Variants in UBASH3B observed in about 807,000 individuals in gnomAD.
UBASH3B encodes ubiquitin associated and SH3 domain containing B.
Under a neutral mutation model 83.4 loss-of-function variants are expected in UBASH3B, and 37 were observed. The ratio of observed to expected loss-of-function variants is 0.44; its 90% CI spans 0.34 to 0.58. UBASH3B has a LOEUF of 0.58. Ranked by LOEUF, UBASH3B falls within the 20% of genes least tolerant of loss-of-function variation. The pLI is 0.01. For synonymous variants in UBASH3B, 304 were observed against 318.3 expected, an observed-to-expected ratio of 0.96 and a Z score of 0.48; for missense variants, 657 against 827.2, an observed-to-expected ratio of 0.79 and a Z score of 2.52.
chr11:122,714,315 G>A (rs1457676334), intron 1 of UBASH3B, among the ~76,000 whole-genome samples: 1 of 152,148 alleles, frequency 6.6e-6, no homozygotes, highest in Non-Finnish European at 1.5e-5. Flanking sequence ...CTCCATTCTT[G>A]GGGAGCTCAC....
chr11:122,739,149 A>C (rs916853444), intron 1 of UBASH3B, among the ~76,000 whole-genome samples: 1 of 152,092 alleles, frequency 6.6e-6, no homozygotes, highest in African/African-American at 2.4e-5. Flanking sequence ...AGCATGTGCC[A>C]CCACACCCGG....
chr11:122,669,254 G>A (rs1863559699), intron 1 of UBASH3B, among the ~76,000 whole-genome samples: 1 of 152,144 alleles, frequency 6.6e-6, no homozygotes, highest in Non-Finnish European at 1.5e-5. Flanking sequence ...TGTTCTTCCT[G>A]GAAAGAATGT....
chr11:122,711,630 A>G (rs1483072150), intron 1 of UBASH3B, among the ~76,000 whole-genome samples: 1 of 152,222 alleles, frequency 6.6e-6, no homozygotes, highest in African/African-American at 2.4e-5. Context: ...TGGCCTCATT[A>G]CTACCTCATG....
chr11:122,734,334 GCTGAGC>G (rs1860897775), intron 1 of UBASH3B, among the ~76,000 whole-genome samples: 1 of 152,216 alleles, frequency 6.6e-6, no homozygotes, highest in African/African-American at 2.4e-5. Flanking sequence ...GCTTGACATG[GCTGAGC>G]CTGAGGAAAG....
intron 1 of UBASH3B, among the ~76,000 whole-genome samples, chr11:122,660,628 T>C (rs1308207031): frequency 6.6e-6 from 1 of 152,216 alleles, no homozygotes; most frequent in African/African-American, 2.4e-5. Context: ...TGCTGACCTC[T>C]GGTTTCTGGG....
chr11:122,808,189 C>T lies in UBASH3B; in HGVS notation c.1812+13C>T, dbSNP rs372692296. On this transcript the variant is annotated intron_variant, in intron 13 of 13. Coordinates refer to ENST00000284273, the MANE Select transcript of UBASH3B (RefSeq NM_032873.5). Reference sequence around the variant, plus strand: ...AATGGTCCGAAAGGTAATTCATTCTCGTACTTTGGGGTCCGTGATGGCTAG... The same window carrying T: ...AATGGTCCGAAAGGTAATTCATTCTTGTACTTTGGGGTCCGTGATGGCTAG... 6.8e-6 allele frequency: 11 copies of T among 1,608,150 alleles called. No individual in the cohort carries two copies. Among genetic ancestry groups the T allele is most frequent in the East Asian group, 2.2e-5 (1 of 44,858 alleles).
At chr11:122,708,000 A>G (rs1714589629) in intron 1 of UBASH3B, among the ~76,000 whole-genome samples, 2 of 152,004 alleles carry the variant, frequency 1.3e-5, no homozygotes, top group Admixed American at 1.3e-4. Context: ...CTGGCCTCTA[A>G]TATATAATTT....
chr11:122,750,615 G>A (rs1347942362), intron 1 of UBASH3B, among the ~76,000 whole-genome samples: 1 of 152,216 alleles, frequency 6.6e-6, no homozygotes, highest in East Asian at 1.9e-4. Flanking sequence ...TAAGAACCCA[G>A]ATACTGCCTG....
chr11:122,685,902 A>G (rs912007228), intron 1 of UBASH3B, among the ~76,000 whole-genome samples: 1 of 152,144 alleles, frequency 6.6e-6, no homozygotes, highest in African/African-American at 2.4e-5. Context: ...TAGCAGCCCT[A>G]TTTGGATACA....
At chr11:122,692,723 T>C (rs1175910404) in intron 1 of UBASH3B, among the ~76,000 whole-genome samples, 1 of 152,208 alleles carries the variant, frequency 6.6e-6, no homozygotes, top group East Asian at 1.9e-4. Flanking sequence ...TAGCCAGAGA[T>C]GCTTTCATTC....
chr11:122,683,444 G>A (rs1335952952), intron 1 of UBASH3B, among the ~76,000 whole-genome samples: 6 of 151,162 alleles, frequency 4.0e-5, no homozygotes, highest in African/African-American at 1.2e-4. Context: ...GCAAAACCCC[G>A]TTTCTACTGA....
intron 1 of UBASH3B, among the ~76,000 whole-genome samples, chr11:122,743,970 G>A (rs1285849944): frequency 6.6e-6 from 1 of 152,218 alleles, no homozygotes; most frequent in Admixed American, 6.5e-5. Flanking sequence ...CAGGCGTTCA[G>A]TACCTTTCCC....
intron 1 of UBASH3B, among the ~76,000 whole-genome samples, chr11:122,675,864 A>C (rs1187235353): frequency 1.3e-5 from 2 of 152,212 alleles, no homozygotes; most frequent in African/African-American, 4.8e-5. Context: ...ACTTCTTTAC[A>C]ATTAAATAGA....
In UBASH3B at chr11:122,813,461, TTACTC is replaced by T. The variant is rs2135203367; in HGVS notation, c.*3578_*3582del. On this transcript the variant is annotated 3_prime_UTR_variant, in exon 14 of 14. Coordinates refer to ENST00000284273, the MANE Select transcript of UBASH3B (RefSeq NM_032873.5). ...GCAGTGATGAATTGCTCTTTTGAAATTACTCTAAGTAATCCATGTGTTAGAATACA... is the reference window on the plus strand; with the variant it reads ...GCAGTGATGAATTGCTCTTTTGAAATTAAGTAATCCATGTGTTAGAATACA... The T allele has an allele frequency of 6.6e-6, 1 of 152,362 alleles. No homozygotes were observed. Among genetic ancestry groups the T allele is most frequent in the Non-Finnish European group, 1.5e-5 (1 of 68,032 alleles). The allele number at this position is 152,362 out of a possible 1,614,324, so 9.4% of individuals were successfully genotyped here. A position where few individuals can be genotyped will look rare whatever the true frequency, so the allele number is the denominator to read the frequency against.
chr11:122,771,287 C>T (rs1197389036), intron 1 of UBASH3B, among the ~76,000 whole-genome samples: 1 of 150,134 alleles, frequency 6.7e-6, no homozygotes, highest in Non-Finnish European at 1.5e-5. Context: ...GGGTGGAGTG[C>T]AATGGCACGA....
At chr11:122,673,651 T>G (rs1420919469) in intron 1 of UBASH3B, among the ~76,000 whole-genome samples, 1 of 152,150 alleles carries the variant, frequency 6.6e-6, no homozygotes, top group Non-Finnish European at 1.5e-5. Context: ...AGAGTGAGAC[T>G]CCGTCACTTA....
intron 1 of UBASH3B, among the ~76,000 whole-genome samples, chr11:122,705,646 T>C (rs1268573088): frequency 6.6e-6 from 1 of 152,078 alleles, no homozygotes; most frequent in South Asian, 2.1e-4. Context: ...CCCCAGGCGC[T>C]ACCGTCACAA....
At chr11:122,752,989 T>C (rs781262481) in intron 1 of UBASH3B, among the ~76,000 whole-genome samples, 4 of 152,124 alleles carry the variant, frequency 2.6e-5, no homozygotes, top group Non-Finnish European at 5.9e-5. Context: ...TGCTAGAACC[T>C]GGGTCTTTTC....
chr11:122,655,999 C>G lies in UBASH3B; in HGVS notation c.-51C>G. 6.8e-7 allele frequency: 1 copy of G among 1,461,248 alleles called. No homozygotes were observed. The highest frequency in any genetic ancestry group is 1.4e-5 in the South Asian group (1 of 74,022). 90.5% of individuals were successfully genotyped at this position (1,461,248 alleles called of 1,614,324 possible). Reference sequence around the variant, plus strand: ...GCCCAGCCCGACTCCCTCCTCCTTCCCGAACCATCCGGCTCGGGCTCCTTC... The same window carrying G: ...GCCCAGCCCGACTCCCTCCTCCTTCGCGAACCATCCGGCTCGGGCTCCTTC... On this transcript the variant is annotated 5_prime_UTR_variant, in exon 1 of 14. Coordinates refer to ENST00000284273, the MANE Select transcript of UBASH3B (RefSeq NM_032873.5).
Sources: allele counts gnomAD v4.1 joint callset (sites outside exome capture counted in the v4.1 genomes callset), GRCh38; gene constraint gnomAD v4.1.1; transcripts MANE v1.5; gene names NCBI Gene and HGNC (gene_info 2026-07-23, HGNC 2026-07-21).